RNF125: variants seen among roughly 807,000 people sequenced by gnomAD.
RNF125 encodes the protein ring finger protein 125, also known as E3 ubiquitin-protein ligase RNF125.
Under a neutral mutation model 26.0 loss-of-function variants are expected in RNF125, and 21 were observed. That is an observed-to-expected ratio of 0.81 (90% CI 0.57 to 1.16). RNF125 has a LOEUF of 1.16. RNF125 is among the 50% of genes most tolerant of loss of function. RNF125 has a pLI of 0.00. For missense variants in RNF125, 270 were observed against 299.4 expected, an observed-to-expected ratio of 0.90 and a Z score of 0.72; for synonymous variants, 95 against 109.2, an observed-to-expected ratio of 0.87 and a Z score of 0.81.
At chr18:32,045,976 T>A (rs1161259342) in intron 4 of RNF125, among the ~76,000 whole-genome samples, 2 of 151,992 alleles carry the variant, frequency 1.3e-5, no homozygotes, top group Admixed American at 6.6e-5. Context: ...ATGGGCATAA[T>A]CAACTAAAAT....
chr18:32,034,287 T>G (rs2039128940), intron 1 of RNF125, among the ~76,000 whole-genome samples: 2 of 152,216 alleles, frequency 1.3e-5, no homozygotes, highest in African/African-American at 4.8e-5. Flanking sequence ...TCTCTGTGGT[T>G]CATCCTTCAC....
At chr18:32,024,927 T>TA (rs1216766577) in intron 1 of RNF125, among the ~76,000 whole-genome samples, 2 of 151,842 alleles carry the variant, frequency 1.3e-5, no homozygotes, top group African/African-American at 4.8e-5. Context: ...CTGAAAATAC[T>TA]AAAAAATTAG....
chr18:32,050,410 C>A (rs1159367785), intron 4 of RNF125, among the ~76,000 whole-genome samples: 1 of 152,178 alleles, frequency 6.6e-6, no homozygotes. Context: ...ACCTTGAACT[C>A]CTGGGCTCAA....
chr18:32,064,310 C>T (rs560501531), intron 4 of RNF125, among the ~76,000 whole-genome samples: 9 of 149,342 alleles, frequency 6.0e-5, no homozygotes, highest in South Asian at 4.3e-4. Context: ...GAGATTTGGG[C>T]GGGGACAAAT....
chr18:32,046,092 G>T (rs1203246609), intron 4 of RNF125, among the ~76,000 whole-genome samples: 3 of 151,586 alleles, frequency 2.0e-5, no homozygotes, highest in African/African-American at 7.3e-5. Flanking sequence ...TGGCGGGCAT[G>T]TGTAATCCCA....
chr18:32,027,403 A>G (rs1266730404), intron 1 of RNF125, among the ~76,000 whole-genome samples: 1 of 152,160 alleles, frequency 6.6e-6, no homozygotes, highest in Non-Finnish European at 1.5e-5. Context: ...TAAGGTAGCT[A>G]TTTAAGATGT....
At chr18:32,076,250 G>A, downstream of RNF125, 3 of 420,976 alleles carry the variant, frequency 7.1e-6, no homozygotes, top group South Asian at 6.3e-5. Context: ...GAGAGCATCA[G>A]CCAGGACATT....
At chr18:32,063,972 T>C (rs1052847003) in intron 4 of RNF125, among the ~76,000 whole-genome samples, 17 of 151,836 alleles carry the variant, frequency 1.1e-4, no homozygotes, top group Admixed American at 8.5e-4. Context: ...CTGTATCTTT[T>C]TTTTTTTTTT....
the RNF125 span, among the ~76,000 whole-genome samples, chr18:32,084,066 A>C: frequency 2.0e-5 from 3 of 151,368 alleles, no homozygotes; most frequent in Non-Finnish European, 4.4e-5. Flanking sequence ...AAAGATTAAA[A>C]AACAACTGAC....
intron 5 of RNF125, 139 bp from the exon 6 acceptor site, chr18:32,068,159 A>C (rs1230469663): frequency 3.8e-6 from 2 of 529,374 alleles, no homozygotes; most frequent in Non-Finnish European, 6.7e-6. Context: ...CCTGGGTTCT[A>C]TGACAGGCTT....
chr18:32,061,933 G>A (rs992093937), intron 4 of RNF125, among the ~76,000 whole-genome samples: 3 of 152,116 alleles, frequency 2.0e-5, no homozygotes, highest in Admixed American at 6.6e-5. Flanking sequence ...AAATGAAATC[G>A]GAAACTATTT....
At chr18:32,023,965 A>G (rs540793399) in intron 1 of RNF125, among the ~76,000 whole-genome samples, 27 of 152,314 alleles carry the variant, frequency 1.8e-4, no homozygotes, top group African/African-American at 5.3e-4. Flanking sequence ...ATAAATTTAA[A>G]TAAAACCTAA....
the RNF125 span, among the ~76,000 whole-genome samples, chr18:32,088,584 C>T: frequency 6.6e-6 from 1 of 152,180 alleles, no homozygotes; most frequent in African/African-American, 2.4e-5. Flanking sequence ...CTCACTGCAA[C>T]TTCTGCCTCC....
chr18:32,045,716 C>T lies in RNF125; in HGVS notation c.488C>T (p.Ser163Leu), dbSNP rs373764886. ...LLDHCITHHR[S>L]ERRPVFCPLC... ...GATCATTGTATTACTCATCACAGATCGGAACGGAGGCCTGTGGTAAGGATT... is the reference window on the plus strand; with the variant it reads ...GATCATTGTATTACTCATCACAGATTGGAACGGAGGCCTGTGGTAAGGATT... Residue 163 changes from serine to leucine, a missense_variant, in exon 4 of 6, where the codon TCG (serine) becomes TTG (leucine). Ser to Leu is a moderately radical substitution (Grantham distance 145). Transcript: ENST00000217740. 2.6e-5 allele frequency: 42 copies of T among 1,611,620 alleles called. 1 individual carries two copies. Among genetic ancestry groups the T allele is most frequent in the African/African-American group, 1.3e-4 (10 of 74,464 alleles).
At chr18:32,087,407 G>C in the RNF125 span, among the ~76,000 whole-genome samples, 3 of 152,040 alleles carry the variant, frequency 2.0e-5, no homozygotes, top group East Asian at 2.0e-4. Flanking sequence ...GCCCGGACTT[G>C]TAAGTGGTGT....
the RNF125 span, among the ~76,000 whole-genome samples, chr18:32,081,609 T>C: frequency 1.3e-5 from 2 of 152,222 alleles, no homozygotes; most frequent in Non-Finnish European, 2.9e-5. Flanking sequence ...TTAATTACTT[T>C]TTAAAAGCCA....
intron 2 of RNF125, among the ~76,000 whole-genome samples, chr18:32,038,022 C>G (rs889731252): frequency 1.3e-5 from 2 of 150,972 alleles, no homozygotes; most frequent in African/African-American, 4.9e-5. Flanking sequence ...CTTGCTACCA[C>G]TCACTCTTTG....
intron 4 of RNF125, among the ~76,000 whole-genome samples, chr18:32,045,969 G>A (rs905085720): frequency 6.6e-5 from 10 of 151,612 alleles, no homozygotes; most frequent in African/African-American, 2.2e-4. Flanking sequence ...GGTAATCATG[G>A]GCATAATCAA....
intron 4 of RNF125, among the ~76,000 whole-genome samples, chr18:32,050,083 C>T (rs1487080323): frequency 6.6e-6 from 1 of 152,102 alleles, no homozygotes; most frequent in Non-Finnish European, 1.5e-5. Context: ...TCTGACTTAC[C>T]TCACATAAGA....
Sources: gnomAD v4.1 joint callset for allele counts (sites outside exome capture counted in the v4.1 genomes callset) on GRCh38, gnomAD v4.1.1 for gene constraint, MANE v1.5 for transcripts, NCBI Gene and HGNC (gene_info 2026-07-23, HGNC 2026-07-21) for gene names.